The following NRG1 variants were observed in gnomAD, a reference collection of about 807,000 sequenced individuals.
NRG1 encodes pro-neuregulin-1, membrane-bound isoform.
NRG1 carries 18 observed loss-of-function variants against 63.8 expected under a neutral mutation model. The observed-to-expected ratio is 0.28, with a 90% CI of 0.19 to 0.42. NRG1 has a LOEUF of 0.42. Ranked by LOEUF, NRG1 falls within the 10% of genes least tolerant of loss-of-function variation. NRG1 has a pLI of 1.00. For missense variants in NRG1, 762 were observed against 814.7 expected (o/e 0.94, Z 0.79); for synonymous variants, 302 against 301.3 (o/e 1.00, Z -0.02).
chr8:32,247,299 C>T (rs574850791), intron 1 of NRG1, among the ~76,000 whole-genome samples: 1 of 152,172 alleles, frequency 6.6e-6, no homozygotes, highest in Non-Finnish European at 1.5e-5. Context: ...TGATGACTCT[C>T]TAGGAATTTT....
chr8:32,307,729 T>C (rs1254079474), intron 1 of NRG1, among the ~76,000 whole-genome samples: 1 of 152,120 alleles, frequency 6.6e-6, no homozygotes, highest in Admixed American at 6.6e-5. Flanking sequence ...GCAGGTTGAA[T>C]GCCCACACAT....
intron 1 of NRG1, among the ~76,000 whole-genome samples, chr8:32,359,571 C>T (rs190128015): frequency 6.6e-6 from 1 of 152,194 alleles, no homozygotes; most frequent in Admixed American, 6.5e-5. Context: ...TGTTCACATG[C>T]TTACACATTT....
At chr8:31,828,942 A>T (rs1231060047) in intron 1 of NRG1, among the ~76,000 whole-genome samples, 1 of 152,186 alleles carries the variant, frequency 6.6e-6, no homozygotes, top group Non-Finnish European at 1.5e-5. Context: ...TTCAACAAAC[A>T]TTTGCTGAAT....
At chr8:31,830,775 A>G (rs952271641) in intron 1 of NRG1, among the ~76,000 whole-genome samples, 3 of 152,078 alleles carry the variant, frequency 2.0e-5, no homozygotes. Context: ...GGGGAAAAAA[A>G]AAAGAAAGAA....
intron 1 of NRG1, among the ~76,000 whole-genome samples, chr8:31,717,484 T>G (rs113863198): frequency 0.014 from 2,067 of 151,388 alleles, 48 homozygotes; most frequent in African/African-American, 0.047. Flanking sequence ...AAGAGAAAAT[T>G]TATTTATAGG....
At chr8:31,992,909 CA>C (rs565486823) in intron 1 of NRG1, among the ~76,000 whole-genome samples, 3 of 151,650 alleles carry the variant, frequency 2.0e-5, no homozygotes, top group Admixed American at 6.6e-5. Flanking sequence ...GGCTCTCTTC[CA>C]AAAAAATAAT....
At chr8:31,683,809 G>A (rs1271655640) in intron 1 of NRG1, among the ~76,000 whole-genome samples, 1 of 151,992 alleles carries the variant, frequency 6.6e-6, no homozygotes, top group African/African-American at 2.4e-5. Flanking sequence ...GGGCTATATG[G>A]GAACTCTCAC....
intron 1 of NRG1, among the ~76,000 whole-genome samples, chr8:32,500,093 T>C (rs1827682965): frequency 6.6e-6 from 1 of 152,226 alleles, no homozygotes; most frequent in South Asian, 2.1e-4. Flanking sequence ...AAAGTATGTC[T>C]GCTTGTGTCT....
At chr8:31,974,330 A>AT (rs564980727) in intron 1 of NRG1, among the ~76,000 whole-genome samples, 1 of 151,652 alleles carries the variant, frequency 6.6e-6, no homozygotes, top group Non-Finnish European at 1.5e-5. Context: ...TGCCTGGCTA[A>AT]TTTTTTTCTT....
intron 1 of NRG1, among the ~76,000 whole-genome samples, chr8:32,192,320 T>C (rs1484566235): frequency 6.6e-6 from 1 of 152,138 alleles, no homozygotes; most frequent in Non-Finnish European, 1.5e-5. Context: ...CTATTCACTA[T>C]AACAAAGACA....
chr8:32,485,242 G>A (rs1021614147), intron 1 of NRG1, among the ~76,000 whole-genome samples: 2 of 151,986 alleles, frequency 1.3e-5, no homozygotes, highest in African/African-American at 2.4e-5. Flanking sequence ...AGCCTCCCAA[G>A]GAGCTGGGAT....
chr8:31,972,368 G>A (rs769497857), intron 1 of NRG1, among the ~76,000 whole-genome samples: 9 of 151,976 alleles, frequency 5.9e-5, no homozygotes, highest in African/African-American at 9.7e-5. Context: ...CCTTGACCTC[G>A]GCTCTTCCCA....
At chr8:32,472,316 C>T (rs1269614374) in intron 1 of NRG1, among the ~76,000 whole-genome samples, 2 of 152,136 alleles carry the variant, frequency 1.3e-5, no homozygotes, top group Admixed American at 1.3e-4. Context: ...ATTACAGACA[C>T]CCGCCATGAC....
Position 31,892,435 on chromosome 8 carries a change from A to G in NRG1, c.37+253004A>G, listed in dbSNP as rs371486815. Among the ~76,000 whole-genome samples the G allele has an allele frequency of 5.3e-5, 8 of 152,230 alleles. No homozygotes were observed. The South Asian group carries it at 8.3e-4, about 16-fold the overall frequency. ...TTTACCAATTTAGGATAACTTCACA[A>G]TCTCCGCAGATAAATTGGTATCTGT... On this transcript the variant is annotated intron_variant, in intron 1 of 10. Transcript: ENST00000519301.
chr8:32,234,546 G>A (rs1325272405), intron 1 of NRG1, among the ~76,000 whole-genome samples: 1 of 152,102 alleles, frequency 6.6e-6, no homozygotes, highest in Non-Finnish European at 1.5e-5. Flanking sequence ...ATATTTGCTC[G>A]CTCTACATTC....
intron 1 of NRG1, chr8:32,136,755 AG>A (rs2131683216): frequency 6.6e-6 from 1 of 152,320 alleles, no homozygotes; most frequent in South Asian, 2.1e-4. Flanking sequence ...CCGATAGGTA[AG>A]CCCGCATATT....
chr8:32,645,048 AT>A (rs1431452384), intron 5 of NRG1, among the ~76,000 whole-genome samples: 1 of 152,162 alleles, frequency 6.6e-6, no homozygotes, highest in East Asian at 1.9e-4. Context: ...AAATTGGGGA[AT>A]TCAGTGCCGT....
At chr8:32,647,714 G>A in intron 5 of NRG1, 1 of 1,550,116 alleles carries the variant, frequency 6.5e-7, no homozygotes, top group Non-Finnish European at 8.7e-7. Context: ...CTGGAGGTGA[G>A]CCGATGGAGA....
chr8:31,752,510 T>G (rs1452543873), intron 1 of NRG1, among the ~76,000 whole-genome samples: 1 of 152,010 alleles, frequency 6.6e-6, no homozygotes. Flanking sequence ...CTAGTATTTA[T>G]TTAACATCCA....
Sources: allele counts gnomAD v4.1 joint callset (sites outside exome capture counted in the v4.1 genomes callset), GRCh38; gene constraint gnomAD v4.1.1; transcripts MANE v1.5; gene names NCBI Gene and HGNC (gene_info 2026-07-23, HGNC 2026-07-21).